CSPP1: variants seen among roughly 807,000 people sequenced by gnomAD.
CSPP1 encodes the protein centrosome and spindle pole-associated protein 1.
Under a neutral mutation model 164.4 loss-of-function variants are expected in CSPP1, and 126 were observed. The observed-to-expected ratio is 0.77, with a 90% CI of 0.66 to 0.89. CSPP1 has a LOEUF of 0.89. Among genes scored for constraint, CSPP1 ranks in the 40% least tolerant of loss-of-function variants. The probability of loss-of-function intolerance (pLI) is 0.00; values close to 1 mark genes in which losing one functional copy is unlikely to be tolerated. For missense variants in CSPP1, 1,395 were observed against 1,449.8 expected, an observed-to-expected ratio of 0.96 and a Z score of 0.61; for synonymous variants, 472 against 476.7, an observed-to-expected ratio of 0.99 and a Z score of 0.13.
chr8:67,092,286 C>T (rs1811772921), intron 5 of CSPP1, among the ~76,000 whole-genome samples: 1 of 152,116 alleles, frequency 6.6e-6, no homozygotes, highest in Non-Finnish European at 1.5e-5. Flanking sequence ...GTGATTCTGA[C>T]ACTCCATTAA....
chr8:67,195,155 T>C (rs976239731), intron 30 of CSPP1, among the ~76,000 whole-genome samples: 1 of 152,186 alleles, frequency 6.6e-6, no homozygotes, highest in Non-Finnish European at 1.5e-5. Context: ...GCTTACTCAG[T>C]TGATCATTTT....
At chr8:67,153,051 A>T (rs1312177839) in intron 18 of CSPP1, among the ~76,000 whole-genome samples, 1 of 152,046 alleles carries the variant, frequency 6.6e-6, no homozygotes, top group Non-Finnish European at 1.5e-5. Context: ...TACAAAAAAA[A>T]ATTAGCCAGG....
chr8:67,143,235 GC>G (rs1823858236), intron 17 of CSPP1, among the ~76,000 whole-genome samples: 1 of 151,324 alleles, frequency 6.6e-6, no homozygotes, highest in African/African-American at 2.4e-5. Context: ...CTATCCTTTT[GC>G]CCGTATCAGA....
intron 17 of CSPP1, among the ~76,000 whole-genome samples, chr8:67,140,339 C>T (rs1393154498): frequency 1.3e-5 from 2 of 152,192 alleles, no homozygotes; most frequent in Non-Finnish European, 2.9e-5. Context: ...CCCACCTCAG[C>T]CTCCCAAAGT....
intron 6 of CSPP1, among the ~76,000 whole-genome samples, chr8:67,094,515 G>A (rs1238637237): frequency 3.3e-5 from 5 of 151,600 alleles, no homozygotes; most frequent in Admixed American, 1.3e-4. Context: ...CTTGTGATCC[G>A]CCTGCCTCGG....
At chr8:67,083,405 G>A (rs1809626772) in intron 3 of CSPP1, among the ~76,000 whole-genome samples, 1 of 151,094 alleles carries the variant, frequency 6.6e-6, no homozygotes, top group South Asian at 2.1e-4. Flanking sequence ...GGTGGCAGGT[G>A]CCTGTAATCC....
Position 67,163,772 on chromosome 8 carries a change from C to G in CSPP1, c.2684C>G (p.Ala895Gly). The stretch of plus-strand genomic sequence containing the variant: ...AGGGCACAGTCACCCCCGGTACCTG[C>G]CAGGAAAAATCAGCTCCGTGCAGAA... ...MSRAQSPPVPARKNQLRAEEE... is the reference protein window; with the variant it reads ...MSRAQSPPVPGRKNQLRAEEE... Residue 895 changes from alanine to glycine, a missense_variant, in exon 23 of 31, where the codon GCC (alanine) becomes GGC (glycine). Coordinates refer to ENST00000678616, the MANE Select transcript of CSPP1 (RefSeq NM_001382391.1). 2 of 1,613,480 alleles carry G rather than the reference C, an allele frequency of 1.2e-6. No homozygotes were observed. The highest frequency in any genetic ancestry group is 1.1e-5 in the South Asian group (1 of 91,012).
intron 18 of CSPP1, among the ~76,000 whole-genome samples, chr8:67,153,592 A>G (rs1286844718): frequency 6.6e-6 from 1 of 152,100 alleles, no homozygotes; most frequent in African/African-American, 2.4e-5. Context: ...TGATTTTTAA[A>G]AACGGTTTTA....
At chr8:67,194,761 AAAAGTAAAATACAG>A (rs1837445372) in intron 30 of CSPP1, among the ~76,000 whole-genome samples, 1 of 152,132 alleles carries the variant, frequency 6.6e-6, no homozygotes, top group Non-Finnish European at 1.5e-5. Context: ...AATAATAAAT[AAAAGTAAAATACAG>A]ATAGAAGTTG....
chr8:67,094,827 T>C (rs1377542455), intron 6 of CSPP1, among the ~76,000 whole-genome samples: 1 of 152,218 alleles, frequency 6.6e-6, no homozygotes, highest in Non-Finnish European at 1.5e-5. Context: ...GTCCTCACTG[T>C]CCTCCACTCA....
chr8:67,130,123 T>C (rs1820911796), intron 15 of CSPP1, among the ~76,000 whole-genome samples: 1 of 152,158 alleles, frequency 6.6e-6, no homozygotes, highest in Admixed American at 6.5e-5. Flanking sequence ...TCCATGGGGC[T>C]CACTTTGGGA....
intron 17 of CSPP1, among the ~76,000 whole-genome samples, chr8:67,149,167 A>C (rs1222955025): frequency 5.9e-5 from 9 of 152,098 alleles, no homozygotes; most frequent in African/African-American, 2.2e-4. Context: ...TAGTGTCCTT[A>C]TGGTATGGCA....
chr8:67,150,408 G>GT lies in CSPP1; in HGVS notation c.2128+484dup, dbSNP rs1249316358. Among the ~76,000 whole-genome samples the GT allele has an allele frequency of 8.2e-3, 1,195 of 145,576 alleles. 12 individuals are homozygous for GT. Among genetic ancestry groups the GT allele is most frequent in the African/African-American group, 0.021 (837 of 40,078 alleles). ...GTGTACAAAGAAATGAAGCAATGTTGTTTTTTTTTTTGTGAGATGGAGTCT... is the reference window on the plus strand; with the variant it reads ...GTGTACAAAGAAATGAAGCAATGTTGTTTTTTTTTTTTGTGAGATGGAGTCT... On this transcript the variant is annotated intron_variant, in intron 18 of 30. Transcript: ENST00000678616.
intron 12 of CSPP1, among the ~76,000 whole-genome samples, chr8:67,115,554 C>A (rs1022352274): frequency 6.6e-6 from 1 of 152,022 alleles, no homozygotes; most frequent in Non-Finnish European, 1.5e-5. Context: ...TGCCTGTAAC[C>A]CCAGCTACTC....
At position 67,072,425 on chromosome 8, in the gene CSPP1, A is replaced by C. The variant is rs550421392; in HGVS notation, c.-10-1818A>C. Among the ~76,000 whole-genome samples the C allele has an allele frequency of 8.6e-4, 131 of 152,382 alleles. 3 individuals carry two copies. The South Asian group carries it at 0.026, about 31-fold the overall frequency. On this transcript the variant is annotated intron_variant, in intron 1 of 30. Transcript: ENST00000678616. ...GAAAACTTACAAACCACAGATTGGC[A>C]GAAAATATTTTTACAAAGCAAGTTT...
chr8:67,170,033 G>A (rs1449748735), intron 24 of CSPP1, among the ~76,000 whole-genome samples: 2 of 152,120 alleles, frequency 1.3e-5, no homozygotes, highest in South Asian at 4.1e-4. Flanking sequence ...TGAGCCACAG[G>A]GCCCTGCCTA....
At chr8:67,179,794 C>G (rs778719669) in intron 27 of CSPP1, 69 bp from the exon 28 acceptor site, 221 of 1,050,418 alleles carry the variant, frequency 2.1e-4, no homozygotes, top group Non-Finnish European at 3.0e-4. Flanking sequence ...TGTGCCTCTT[C>G]TTAGTATAAA....
intron 1 of CSPP1, among the ~76,000 whole-genome samples, chr8:67,071,932 A>G (rs143321850): frequency 4.6e-5 from 7 of 152,352 alleles, no homozygotes; most frequent in African/African-American, 1.7e-4. Context: ...AAGAGAAAAA[A>G]CTAAAAACTT....
rs776904813 is a variant in CSPP1, at chr8:67,064,492, C to G, written c.-57C>G. ...GTCTCCCCGGACGCGAGCCCGCTCCCCTGAGTAAGAGTCAGCCAGCCGCGG... is the reference window on the plus strand; with the variant it reads ...GTCTCCCCGGACGCGAGCCCGCTCCGCTGAGTAAGAGTCAGCCAGCCGCGG... On this transcript the variant is annotated 5_prime_UTR_variant, in exon 1 of 31. Transcript: ENST00000678616. The G allele has an allele frequency of 3.7e-6, 6 of 1,613,628 alleles. No individual in the cohort carries two copies. The African/African-American group carries it at 6.7e-5, about 18-fold the overall frequency.
Sources: allele counts gnomAD v4.1 joint callset (sites outside exome capture counted in the v4.1 genomes callset), GRCh38; gene constraint gnomAD v4.1.1; transcripts MANE v1.5; gene names NCBI Gene and HGNC (gene_info 2026-07-23, HGNC 2026-07-21).